The following ARSG variants were observed in gnomAD, a reference collection of about 807,000 sequenced individuals.
ARSG encodes arylsulfatase G.
A neutral mutation model predicts 50.5 loss-of-function variants in ARSG; 37 were observed. The observed-to-expected ratio is 0.73, with a 90% confidence interval of 0.56 to 0.96. ARSG has a LOEUF of 0.96. ARSG is among the 50% of genes least tolerant of loss of function. The pLI, the probability that ARSG is intolerant of heterozygous loss-of-function variation, is 0.00. For synonymous variants in ARSG, 225 were observed against 254.6 expected (o/e 0.88, Z 1.11); for missense variants, 629 against 675.3 (o/e 0.93, Z 0.76).
intron 1 of ARSG, among the ~76,000 whole-genome samples, chr17:68,275,647 A>G (rs2075489467): frequency 6.6e-6 from 1 of 152,144 alleles, no homozygotes; most frequent in Non-Finnish European, 1.5e-5. Context: ...TTCATTTGTT[A>G]TCTTTCTAAG....
chr17:68,262,490 G>A (rs1406376200), intron 1 of ARSG, among the ~76,000 whole-genome samples: 18 of 149,478 alleles, frequency 1.2e-4, no homozygotes, highest in Non-Finnish European at 1.2e-4. Flanking sequence ...CAGAAAAAGA[G>A]CCAGTGAGGC....
At position 68,351,558 on chromosome 17, in the gene ARSG, G is replaced by T. The variant is rs746564282; in HGVS notation, c.455-17G>T. 1.3e-6 allele frequency: 2 copies of T among 1,483,008 alleles called. No homozygotes were observed. The highest frequency in any genetic ancestry group is 1.4e-5 in the African/African-American group (1 of 72,334). 91.9% of individuals were successfully genotyped at this position (1,483,008 alleles called of 1,614,324 possible). ...TCGCAGCCACGTGGGGGTGCTAACC[G>T]GTTGCTTCTATTCCAGGTTTTGATT... On this transcript the variant is annotated splice_polypyrimidine_tract_variant and intron_variant, in intron 4 of 11. Transcript: ENST00000621439.
At chr17:68,338,847 G>C (rs1441685916) in intron 2 of ARSG, among the ~76,000 whole-genome samples, 1 of 152,234 alleles carries the variant, frequency 6.6e-6, no homozygotes, top group Non-Finnish European at 1.5e-5. Flanking sequence ...GTTTGAAAAT[G>C]AAACTGGAAG....
At chr17:68,312,251 G>T (rs2076890730) in intron 2 of ARSG, among the ~76,000 whole-genome samples, 1 of 152,134 alleles carries the variant, frequency 6.6e-6, no homozygotes. Flanking sequence ...CACAGTGCTT[G>T]GTACGTAGTG....
chr17:68,342,365 T>G (rs2078308050), intron 2 of ARSG, among the ~76,000 whole-genome samples: 1 of 150,588 alleles, frequency 6.6e-6, no homozygotes, highest in South Asian at 2.1e-4. Flanking sequence ...TGTGTTTTTT[T>G]TTTTTTGAGT....
In ARSG at chr17:68,374,170, A is replaced by AG. The variant is rs1568542009; in HGVS notation, c.982+3646_982+3647insG. 5.5e-5 allele frequency among the ~76,000 whole-genome samples: 8 copies of AG among 144,284 alleles called. 1 individual carries two copies. Among genetic ancestry groups the AG allele is most frequent in the Admixed American group, 1.4e-4 (2 of 14,198 alleles). 94.7% of individuals were successfully genotyped at this position (144,284 alleles called of 152,430 possible). ...AGACTCTGTCTCCAAAAAAAAAAAA[A>AG]AAAAAGAAACAAGAGCCTAGAGAAA... On this transcript the variant is annotated intron_variant, in intron 8 of 11. Coordinates refer to ENST00000621439, the MANE Select transcript of ARSG (RefSeq NM_001267727.2).
At chr17:68,435,937 G>T in the ARSG span, among the ~76,000 whole-genome samples, 62 of 152,380 alleles carry the variant, frequency 4.1e-4, no homozygotes, top group East Asian at 0.011. Context: ...CCCTTGGGAA[G>T]GTGGCCACGA....
chr17:68,284,106 A>G (rs2075787715), intron 1 of ARSG, among the ~76,000 whole-genome samples: 1 of 148,336 alleles, frequency 6.7e-6, no homozygotes, highest in African/African-American at 2.5e-5. Context: ...TCTGTCTCAA[A>G]AAAAAAAAAA....
At chr17:68,316,200 C>T (rs1399659156) in intron 2 of ARSG, among the ~76,000 whole-genome samples, 13 of 152,172 alleles carry the variant, frequency 8.5e-5, no homozygotes, top group African/African-American at 2.4e-4. Context: ...AGCAGCTGAT[C>T]GCTTCTCATC....
chr17:68,274,325 G>C lies in ARSG; in HGVS notation c.-552+14899G>C. ...TACAAAAAATACAAAAATTAGCCAG[G>C]CATGGTGGTGTGCACCTGTAGTCCC... On this transcript the variant is annotated intron_variant, in intron 1 of 11. Coordinates refer to the ARSG transcript ENST00000448504. 6 of 316,240 alleles carry C rather than the reference G, an allele frequency of 1.9e-5. No individual in the cohort carries two copies. The South Asian group carries it at 2.7e-4, about 14-fold the overall frequency. The allele number at this position is 316,240 out of a possible 1,614,324, so 19.6% of individuals were successfully genotyped here. A position where few individuals can be genotyped will look rare whatever the true frequency, so the allele number is the denominator to read the frequency against.
chr17:68,304,250 C>T (rs1420358705), intron 1 of ARSG, among the ~76,000 whole-genome samples: 1 of 152,236 alleles, frequency 6.6e-6, no homozygotes, highest in Non-Finnish European at 1.5e-5. Context: ...AGCAGGTCCA[C>T]AGGTGTTTGT....
intron 2 of ARSG, among the ~76,000 whole-genome samples, chr17:68,311,146 A>T (rs2076837461): frequency 1.3e-5 from 2 of 152,116 alleles, no homozygotes; most frequent in Non-Finnish European, 2.9e-5. Flanking sequence ...ACAGACTGAG[A>T]CTCTGTCTCA....
At position 68,381,668 on chromosome 17, in the gene ARSG, G is replaced by A. The variant is rs904896624; in HGVS notation, c.983-3396G>A. Among the ~76,000 whole-genome samples the A allele has an allele frequency of 3.9e-5, 6 of 152,164 alleles. No homozygotes were observed. The highest frequency in any genetic ancestry group is 2.1e-4 in the South Asian group (1 of 4,832). On this transcript the variant is annotated intron_variant, in intron 8 of 11. Coordinates refer to ENST00000621439, the MANE Select transcript of ARSG (RefSeq NM_001267727.2). This position sits in a 1 kb window ranked among gnomAD's most constrained non-coding sequence, Gnocchi z 4.1. Reference sequence around the variant, plus strand: ...TATTAGCTACATTTAACTTTGAAACGTGCTGTGTTCTCTTCCCGATCTTGC... The same window carrying A: ...TATTAGCTACATTTAACTTTGAAACATGCTGTGTTCTCTTCCCGATCTTGC...
chr17:68,314,708 A>G (rs150482001), intron 2 of ARSG, among the ~76,000 whole-genome samples: 210 of 152,292 alleles, frequency 1.4e-3, no homozygotes, highest in African/African-American at 4.6e-3. Flanking sequence ...CATAAAAAAA[A>G]TAAAAAATAA....
At chr17:68,341,327 C>T (rs765266222) in intron 2 of ARSG, among the ~76,000 whole-genome samples, 11 of 152,148 alleles carry the variant, frequency 7.2e-5, no homozygotes, top group Admixed American at 4.6e-4. Flanking sequence ...CCATGTCAAA[C>T]GTTTACAAGG....
chr17:68,393,175 C>T (rs1655046574), intron 9 of ARSG, among the ~76,000 whole-genome samples: 1 of 152,210 alleles, frequency 6.6e-6, no homozygotes, highest in South Asian at 2.1e-4. Context: ...CTCCTTTATC[C>T]ACGGTTTCAC....
chr17:68,398,019 G>T (rs980328173), intron 10 of ARSG, among the ~76,000 whole-genome samples: 1 of 152,126 alleles, frequency 6.6e-6, no homozygotes, highest in African/African-American at 2.4e-5. Flanking sequence ...TGCCTGCCTC[G>T]GTCTCCCAAA....
At chr17:68,379,497 G>A (rs535137877) in intron 8 of ARSG, among the ~76,000 whole-genome samples, 11 of 128,396 alleles carry the variant, frequency 8.6e-5, no homozygotes, top group South Asian at 2.5e-4. Context: ...GGCTGGTTTC[G>A]AACTCCTGGC....
intron 2 of ARSG, among the ~76,000 whole-genome samples, chr17:68,315,427 G>A (rs184812844): frequency 9.9e-5 from 15 of 152,074 alleles, no homozygotes; most frequent in African/African-American, 2.9e-4. Context: ...CTCCGGAGGC[G>A]GAGTCAGGAG....
Sources: allele counts gnomAD v4.1 joint callset (sites outside exome capture counted in the v4.1 genomes callset), GRCh38; gene constraint gnomAD v4.1.1; non-coding constraint Gnocchi (gnomAD v3.1); transcripts MANE v1.5; gene names NCBI Gene and HGNC (gene_info 2026-07-23, HGNC 2026-07-21).